ZNF384: variants seen among roughly 807,000 people sequenced by gnomAD.
The protein encoded by ZNF384 is CAG repeat protein 1.
In ZNF384, 20 loss-of-function variants were observed where a neutral mutation model predicts 65.0. The observed-to-expected ratio is 0.31, with a 90% CI of 0.22 to 0.45. The LOEUF (loss-of-function observed/expected upper bound fraction) is 0.45. Among genes scored for constraint, ZNF384 ranks in the 20% least tolerant of loss-of-function variants. ZNF384 has a pLI of 1.00. For missense variants in ZNF384, 549 were observed against 769.4 expected, an observed-to-expected ratio of 0.71 and a Z score of 3.39; for synonymous variants, 310 against 303.9, an observed-to-expected ratio of 1.02 and a Z score of -0.21.
chr12:6,678,510 C>G lies in ZNF384; in HGVS notation c.353-50G>C. ...GGCGTCATGTTGTTCAGTCCTGATC[C>G]TAATCCTATTTCATTTCCCCCAGAT... is the stretch of plus-strand genomic sequence containing the variant. On this transcript the variant is annotated intron_variant, in intron 5 of 11. Transcript: ENST00000683879. This position sits in a 1 kb window ranked among gnomAD's most constrained non-coding sequence, Gnocchi z 4.9. 6.5e-7 allele frequency: 1 copy of G among 1,545,342 alleles called. No homozygotes were observed. The highest frequency in any genetic ancestry group is 8.8e-7 in the Non-Finnish European group (1 of 1,135,856).
At chr12:6,682,127 T>TA (rs542764175) in intron 2 of ZNF384, among the ~76,000 whole-genome samples, 377 of 74,148 alleles carry the variant, frequency 5.1e-3, no homozygotes, top group Middle Eastern at 0.043. Context: ...ACCGTGTCTC[T>TA]AAAAAAAAAA....
chr12:6,688,515 A>C (rs1958787868), intron 1 of ZNF384: 4 of 152,372 alleles, frequency 2.6e-5, no homozygotes, highest in Non-Finnish European at 5.9e-5. Context: ...GGCCACAGGT[A>C]ACCAGGGGTC....
chr12:6,668,062 T>C lies in ZNF384; in HGVS notation c.1479A>G (p.Gln493=), dbSNP rs1256811549. Residue 493 remains glutamine (Q), a synonymous_variant, in exon 12 of 12, where the codon CAA becomes CAG. Coordinates refer to ENST00000683879, the MANE Select transcript of ZNF384 (RefSeq NM_001385745.1). The part of the protein sequence containing the change: ...MRKHNPPDLQ[Q]QVQAAAAAAA... ...CCGCTGCTGCTGCTGCCTGCACCTG[T>C]TGCTGAAGATCAGGCGGGTTGTGTT... 6.2e-7 allele frequency: 1 copy of C among 1,612,392 alleles called. No individual in the cohort carries two copies. Among genetic ancestry groups the C allele is most frequent in the South Asian group, 1.1e-5 (1 of 90,964 alleles).
At position 6,672,724 on chromosome 12, in the gene ZNF384, G is replaced by A. The variant is rs1592373101; in HGVS notation, c.1005-192C>T. 6.6e-6 allele frequency among the ~76,000 whole-genome samples: 1 copy of A among 152,122 alleles called. No homozygotes were observed. Among genetic ancestry groups the A allele is most frequent in the South Asian group, 2.1e-4 (1 of 4,822 alleles). On this transcript the variant is annotated intron_variant, in intron 8 of 11. Transcript: ENST00000683879. This position sits in a 1 kb window ranked among gnomAD's most constrained non-coding sequence, Gnocchi z 4.4. Reference sequence around the variant, plus strand: ...TCTAGGTTGTTGCTGATCGTAAGTCGGTGGCTAGAATGGCAGTGAGATGAT... The same window carrying A: ...TCTAGGTTGTTGCTGATCGTAAGTCAGTGGCTAGAATGGCAGTGAGATGAT...
intron 11 of ZNF384, 27 bp from the exon 12 acceptor site, chr12:6,668,142 A>C: frequency 1.3e-6 from 2 of 1,540,798 alleles, no homozygotes; most frequent in Non-Finnish European, 1.8e-6. Flanking sequence ...AAAGAAGTTG[A>C]GGGATAAAGA....
At position 6,667,042 on chromosome 12, in the gene ZNF384, G is replaced by A. The variant is rs978938777; in HGVS notation, c.*672C>T. On this transcript the variant is annotated 3_prime_UTR_variant, in exon 12 of 12. Coordinates refer to ENST00000683879, the MANE Select transcript of ZNF384 (RefSeq NM_001385745.1). ...AAGGAGAGAGGCTTCAAGGAAATCC[G>A]TAAAACCATAACACACACTTCTAAG... 1.8e-5 allele frequency: 4 copies of A among 223,970 alleles called. No individual in the cohort carries two copies. The highest frequency in any genetic ancestry group is 3.6e-4 in the South Asian group (2 of 5,626). 13.9% of individuals were successfully genotyped at this position (223,970 alleles called of 1,614,324 possible).
At chr12:6,686,700 G>A (rs1329795492) in intron 2 of ZNF384, among the ~76,000 whole-genome samples, 1 of 152,160 alleles carries the variant, frequency 6.6e-6, no homozygotes, top group Non-Finnish European at 1.5e-5. Context: ...TAAGGCATAT[G>A]GTGATGAGAT....
At position 6,679,491 on chromosome 12, in the gene ZNF384, C is replaced by T. The variant is rs140908287; in HGVS notation, c.30G>A (p.Pro10=). 3.0e-5 allele frequency: 49 copies of T among 1,614,030 alleles called. No individual in the cohort carries two copies. The highest frequency in any genetic ancestry group is 2.2e-4 in the East Asian group (10 of 44,882). Residue 10 remains proline, a synonymous_variant, in exon 3 of 12, where the codon CCG becomes CCA. Transcript: ENST00000683879. The part of the protein sequence containing the change: MEESHFNSN[P]YFWPSIPTVS... The stretch of plus-strand genomic sequence containing the variant: ...CTGTGGGGATAGAAGGCCAGAAGTA[C>T]GGGTTAGAATTGAAGTGAGATTCTT...
At chr12:6,688,979 G>T (rs1307106940) in intron 1 of ZNF384, 119 bp downstream of exon 1, 1 of 152,114 alleles carries the variant, frequency 6.6e-6, no homozygotes, top group South Asian at 2.1e-4. Context: ...TTCCGGTTCC[G>T]GGACGGACAC....
intron 10 of ZNF384, among the ~76,000 whole-genome samples, chr12:6,670,014 G>A (rs1950924709): frequency 6.6e-6 from 1 of 152,130 alleles, no homozygotes; most frequent in Non-Finnish European, 1.5e-5. Context: ...AAAATTTCAA[G>A]TGGCTTCATT....
At chr12:6,670,533 GT>G (rs1466617342) in intron 10 of ZNF384, among the ~76,000 whole-genome samples, 1 of 152,130 alleles carries the variant, frequency 6.6e-6, no homozygotes, top group African/African-American at 2.4e-5. Context: ...CACACAATGG[GT>G]TTATTTTTGT....
rs181465986 is a variant in ZNF384 at position 6,666,800 on chromosome 12, G to T, written c.*914C>A. 8 of 171,760 alleles carry T rather than the reference G, an allele frequency of 4.7e-5. No homozygotes were observed. In the East Asian group the frequency reaches 8.7e-4, roughly 19 times the overall value. 10.6% of individuals were successfully genotyped at this position (171,760 alleles called of 1,614,324 possible). A position where few individuals can be genotyped will look rare whatever the true frequency, so the allele number is the denominator to read the frequency against. On this transcript the variant is annotated 3_prime_UTR_variant, in exon 12 of 12. Transcript: ENST00000683879. Reference sequence around the variant, plus strand: ...TACAACAAAGATGGCCGTGATGAGTGAGTATAATATATTTATATATATATA... The same window carrying T: ...TACAACAAAGATGGCCGTGATGAGTTAGTATAATATATTTATATATATATA...
chr12:6,674,563 A>AT (rs921711362), intron 7 of ZNF384, among the ~76,000 whole-genome samples: 6 of 152,248 alleles, frequency 3.9e-5, no homozygotes, highest in Admixed American at 2.0e-4. Context: ...TCTCAGGAGA[A>AT]TTTTTTAGTT....
intron 10 of ZNF384, among the ~76,000 whole-genome samples, chr12:6,669,932 A>ACGCGCG (rs67939669): frequency 2.0e-5 from 3 of 151,732 alleles, no homozygotes; most frequent in Non-Finnish European, 2.9e-5. Flanking sequence ...AAACACGCAC[A>ACGCGCG]CGCGCGCGCG....
chr12:6,687,565 G>A lies in ZNF384; in HGVS notation c.-6+602C>T, dbSNP rs117304713. On this transcript the variant is annotated intron_variant, in intron 2 of 11. Coordinates refer to ENST00000683879, the MANE Select transcript of ZNF384 (RefSeq NM_001385745.1). ...ACTCACTGTCATTTTCAGGCTACCC[G>A]AAACTCTTCCAGACCTACTTCTGGA... is the stretch of plus-strand genomic sequence containing the variant. Among the ~76,000 whole-genome samples, 253 of 152,102 alleles carry A rather than the reference G, an allele frequency of 1.7e-3. 2 individuals carry two copies. The East Asian group carries it at 0.045, about 27-fold the overall frequency.
chr12:6,678,063 G>C lies in ZNF384; in HGVS notation c.686+64C>G. 1 of 1,469,790 alleles carries C rather than the reference G, an allele frequency of 6.8e-7. No homozygotes were observed. Among genetic ancestry groups the C allele is most frequent in the African/African-American group, 1.4e-5 (1 of 72,178 alleles). 91.0% of individuals were successfully genotyped at this position (1,469,790 alleles called of 1,614,324 possible). A position where few individuals can be genotyped will look rare whatever the true frequency, so the allele number is the denominator to read the frequency against. On this transcript the variant is annotated intron_variant, in intron 6 of 11. Transcript: ENST00000683879. The surrounding 1 kb of genome is among the most constrained non-coding windows in gnomAD (Gnocchi z 4.9). ...CCTGACCGGGGCAGAACACAATGAG[G>C]GTACAGGGAGAATCACCAAGCCAGG...
At position 6,667,350 on chromosome 12, in the gene ZNF384, C is replaced by CT. The variant is rs1950002362; in HGVS notation, c.*363_*364insA. The CT allele has an allele frequency of 2.3e-6, 1 of 432,962 alleles. No homozygotes were observed. Among genetic ancestry groups the CT allele is most frequent in the Admixed American group, 3.4e-5 (1 of 29,048 alleles). 26.8% of individuals were successfully genotyped at this position (432,962 alleles called of 1,614,324 possible). ...GGGCCAGCCTCTAGTCTTACATCAG[C>CT]CCAAACTTTGAGGATAAGGAGGGTA... On this transcript the variant is annotated 3_prime_UTR_variant, in exon 12 of 12. Coordinates refer to ENST00000683879, the MANE Select transcript of ZNF384 (RefSeq NM_001385745.1).
rs34979961 is a variant in ZNF384 at position 6,685,801 on chromosome 12, A to AGAAGGCAG, written c.-6+2358_-6+2365dup. On this transcript the variant is annotated intron_variant, in intron 2 of 11. Transcript: ENST00000683879. The stretch of plus-strand genomic sequence containing the variant: ...CAAAAAAAAAAAAAAAAAAAAAAAA[A>AGAAGGCAG]GAAGGCAGGTTTACTCTAATTAAGT... 3.3e-4 allele frequency among the ~76,000 whole-genome samples: 49 copies of AGAAGGCAG among 150,538 alleles called. 1 individual carries two copies. Among genetic ancestry groups the AGAAGGCAG allele is most frequent in the African/African-American group, 1.0e-3 (42 of 40,992 alleles).
intron 2 of ZNF384, among the ~76,000 whole-genome samples, chr12:6,683,810 A>C (rs936003281): frequency 1.3e-5 from 2 of 152,182 alleles, no homozygotes; most frequent in African/African-American, 4.8e-5. Context: ...CAAGGTCAGA[A>C]GTTCAAGACC....
Sources: allele counts gnomAD v4.1 joint callset (sites outside exome capture counted in the v4.1 genomes callset), GRCh38; gene constraint gnomAD v4.1.1; non-coding constraint Gnocchi (gnomAD v3.1); transcripts MANE v1.5; gene names NCBI Gene and HGNC (gene_info 2026-07-23, HGNC 2026-07-21).